The following BCAT1 variants were observed in gnomAD, a reference collection of about 807,000 sequenced individuals.
The protein encoded by BCAT1 is branched chain amino acid transaminase 1, also known as branched-chain-amino-acid aminotransferase, cytosolic.
A neutral mutation model predicts 52.4 loss-of-function variants in BCAT1; 48 were observed. The observed-to-expected ratio is 0.92, with a 90% CI of 0.73 to 1.16. The LOEUF (loss-of-function observed/expected upper bound fraction) is 1.16, where lower values mean the gene tolerates loss of function less well. BCAT1 is among the 50% of genes most tolerant of loss of function. The pLI, the probability that BCAT1 is intolerant of heterozygous loss-of-function variation, is 0.00. For synonymous variants in BCAT1, 167 were observed against 161.3 expected (o/e 1.04, Z -0.27); for missense variants, 451 against 457.1 (o/e 0.99, Z 0.12).
At chr12:24,877,946 G>C (rs1229620525) in intron 5 of BCAT1, among the ~76,000 whole-genome samples, 1 of 152,110 alleles carries the variant, frequency 6.6e-6, no homozygotes, top group Non-Finnish European at 1.5e-5. Context: ...TAGAGGCCAG[G>C]AGTTTGAGAC....
chr12:24,844,434 A>AT (rs1941270696), intron 6 of BCAT1, among the ~76,000 whole-genome samples: 1 of 149,840 alleles, frequency 6.7e-6, no homozygotes, highest in African/African-American at 2.5e-5. Context: ...TCCGTCTCAA[A>AT]AAAATAAATA....
chr12:24,857,778 GT>G (rs1210312346), intron 5 of BCAT1, among the ~76,000 whole-genome samples: 3 of 152,176 alleles, frequency 2.0e-5, no homozygotes, highest in African/African-American at 7.2e-5. Flanking sequence ...GTTACCTAAT[GT>G]TTTTTACTTG....
At chr12:24,917,473 C>T (rs1046182151) in intron 1 of BCAT1, among the ~76,000 whole-genome samples, 21 of 152,280 alleles carry the variant, frequency 1.4e-4, no homozygotes, top group African/African-American at 4.8e-4. Context: ...TGAGCCACTG[C>T]GCCCAGACGA....
intron 5 of BCAT1, 42 bp downstream of exon 5, chr12:24,878,488 C>T: frequency 6.4e-7 from 1 of 1,568,548 alleles, no homozygotes; most frequent in Admixed American, 1.9e-5. Context: ...ACAATAATAA[C>T]TTGCCCAGCA....
At chr12:24,835,126 A>G (rs1229816125) in intron 8 of BCAT1, among the ~76,000 whole-genome samples, 1 of 152,254 alleles carries the variant, frequency 6.6e-6, no homozygotes, top group African/African-American at 2.4e-5. Flanking sequence ...AACAAAAATT[A>G]CTGAGCTTCA....
intron 10 of BCAT1, among the ~76,000 whole-genome samples, chr12:24,825,938 A>T (rs1274052950): frequency 6.6e-6 from 1 of 152,128 alleles, no homozygotes; most frequent in African/African-American, 2.4e-5. Context: ...CTGGCCAGGG[A>T]CAGTGGCTTA....
chr12:24,836,954 GA>G (rs775559115), intron 7 of BCAT1, among the ~76,000 whole-genome samples: 3,390 of 86,120 alleles, frequency 0.039, 158 homozygotes, highest in Non-Finnish European at 0.058. Context: ...AAGAAAGAAA[GA>G]AAAGAGAAAG....
Position 24,836,971 on chromosome 12 carries a change from AAGAG to A in BCAT1, c.818-379_818-376del, listed in dbSNP as rs772552600. Among the ~76,000 whole-genome samples, 8 of 137,110 alleles carry A rather than the reference AAGAG, an allele frequency of 5.8e-5. 1 individual carries two copies. The highest frequency in any genetic ancestry group is 9.6e-5 in the Non-Finnish European group (6 of 62,490). The allele number at this position is 137,110 out of a possible 152,430, so 89.9% of individuals were successfully genotyped here. A position where few individuals can be genotyped will look rare whatever the true frequency, so the allele number is the denominator to read the frequency against. On this transcript the variant is annotated intron_variant, in intron 7 of 10. Transcript: ENST00000261192. Reference sequence around the variant, plus strand: ...GAAAGAAAGAAAAGAGAAAGAAAGAAAGAGAGAGAGGGAGGGAGGGAGGAAGGAA... The same window carrying A: ...GAAAGAAAGAAAAGAGAAAGAAAGAAAGAGAGGGAGGGAGGGAGGAAGGAA...
intron 10 of BCAT1, among the ~76,000 whole-genome samples, chr12:24,828,808 C>T (rs901808765): frequency 6.6e-6 from 1 of 152,028 alleles, no homozygotes; most frequent in Non-Finnish European, 1.5e-5. Flanking sequence ...GAGTTCAAGA[C>T]CAGCCTGGCC....
At chr12:24,863,479 AAAGAC>A (rs1941910498) in intron 5 of BCAT1, among the ~76,000 whole-genome samples, 1 of 152,366 alleles carries the variant, frequency 6.6e-6, no homozygotes, top group East Asian at 1.9e-4. Flanking sequence ...CATTTGGGAA[AAAGAC>A]AAGAATTATC....
intron 4 of BCAT1, among the ~76,000 whole-genome samples, chr12:24,880,977 G>A (rs983640854): frequency 5.9e-5 from 9 of 152,030 alleles, no homozygotes; most frequent in African/African-American, 1.9e-4. Flanking sequence ...TGGGACCACA[G>A]GCATGTGCCA....
intron 5 of BCAT1, among the ~76,000 whole-genome samples, chr12:24,865,975 G>A (rs955867244): frequency 2.6e-5 from 4 of 152,226 alleles, no homozygotes; most frequent in Non-Finnish European, 5.9e-5. Context: ...CATTCTGACC[G>A]CGCTTGAGGA....
chr12:24,836,181 G>A (rs1036780258), intron 8 of BCAT1, among the ~76,000 whole-genome samples: 3 of 152,206 alleles, frequency 2.0e-5, no homozygotes, highest in African/African-American at 7.2e-5. Flanking sequence ...GACTTGGGAA[G>A]TTAAGGAATG....
chr12:24,850,207 C>T (rs1439922645), intron 5 of BCAT1, among the ~76,000 whole-genome samples: 2 of 152,200 alleles, frequency 1.3e-5, no homozygotes, highest in East Asian at 1.9e-4. Context: ...TCCATTTTTG[C>T]GTGTTAGTAG....
chr12:24,885,592 C>G (rs1265567507), intron 3 of BCAT1, among the ~76,000 whole-genome samples: 1 of 152,060 alleles, frequency 6.6e-6, no homozygotes, highest in Non-Finnish European at 1.5e-5. Context: ...AAGAAAATGA[C>G]CAAGAATATC....
intron 3 of BCAT1, among the ~76,000 whole-genome samples, chr12:24,885,830 G>A (rs559337469): frequency 1.3e-5 from 2 of 152,144 alleles, no homozygotes; most frequent in African/African-American, 4.8e-5. Context: ...GGTATACATA[G>A]GTGGAAAAAA....
intron 10 of BCAT1, among the ~76,000 whole-genome samples, chr12:24,829,300 C>T (rs1388797546): frequency 6.6e-6 from 1 of 152,088 alleles, no homozygotes; most frequent in Non-Finnish European, 1.5e-5. Flanking sequence ...AGGAAAATTG[C>T]TTGAACCCGG....
chr12:24,881,036 T>C (rs1426080599), intron 4 of BCAT1, among the ~76,000 whole-genome samples: 3 of 152,188 alleles, frequency 2.0e-5, no homozygotes, highest in Non-Finnish European at 4.4e-5. Context: ...TGTTTCACCA[T>C]GTTGGCCAGG....
chr12:24,881,192 G>T, intron 4 of BCAT1, 109 bp downstream of exon 4: 2 of 791,242 alleles, frequency 2.5e-6, no homozygotes, highest in East Asian at 2.6e-5. Flanking sequence ...ATGTTCATAT[G>T]GTTTGTACTG....
Sources: gnomAD v4.1 joint callset for allele counts (sites outside exome capture counted in the v4.1 genomes callset) on GRCh38, gnomAD v4.1.1 for gene constraint, MANE v1.5 for transcripts, NCBI Gene and HGNC (gene_info 2026-07-23, HGNC 2026-07-21) for gene names.